The following CHD9 variants were observed in gnomAD, a reference collection of about 807,000 sequenced individuals.
CHD9 encodes the protein ATP-dependent chromatin remodeler CHD9.
A neutral mutation model predicts 316.1 loss-of-function variants in CHD9; 77 were observed. The observed-to-expected ratio is 0.24, with a 90% CI of 0.20 to 0.29. The LOEUF (loss-of-function observed/expected upper bound fraction) is 0.29. Among genes scored for constraint, CHD9 ranks in the 10% least tolerant of loss-of-function variants. The pLI is 1.00. For synonymous variants in CHD9, 1,129 were observed against 1,158.3 expected (o/e 0.97, Z 0.51); for missense variants, 2,763 against 3,438.1 (o/e 0.80, Z 4.91).
Position 53,304,250 on chromosome 16 carries a change from A to C in CHD9, c.6244A>C (p.Asn2082His), listed in dbSNP as rs1270731885. ...AAAATCTGAGCCTGTAAGTCCAAAG[A>C]ATGGTGTTTTACCACAGGCTACTGG... ...LIKSEPVSPK[N>H]GVLPQATGDQ... Residue 2082 changes from asparagine to histidine, a missense_variant, in exon 31 of 39, where the codon AAT becomes CAT. Transcript: ENST00000447540. The C allele has an allele frequency of 1.2e-6, 2 of 1,611,382 alleles. No homozygotes were observed. Among genetic ancestry groups the C allele is most frequent in the South Asian group, 2.2e-5 (2 of 90,774 alleles).
In CHD9 at chr16:53,081,766, T is replaced by A. The variant is rs76624155; in HGVS notation, c.-165+26689T>A. 1.1e-3 allele frequency among the ~76,000 whole-genome samples: 68 copies of A among 63,750 alleles called. No homozygotes were observed. The Middle Eastern group carries it at 0.026, about 25-fold the overall frequency. 41.8% of individuals were successfully genotyped at this position (63,750 alleles called of 152,430 possible). ...CCATGCTTGGCTAATTAAAAAAAAA[T>A]TTTTTTTTGTAGAGATGGTGTTTCA... On this transcript the variant is annotated intron_variant, in intron 1 of 38. Coordinates refer to ENST00000447540, the MANE Select transcript of CHD9 (RefSeq NM_001308319.2).
At chr16:53,273,269 G>A (rs1349031488) in intron 22 of CHD9, among the ~76,000 whole-genome samples, 1 of 152,094 alleles carries the variant, frequency 6.6e-6, no homozygotes, top group Non-Finnish European at 1.5e-5. Context: ...ATTTTGAAAA[G>A]CAAGAGTAGA....
intron 2 of CHD9, among the ~76,000 whole-genome samples, chr16:53,160,211 G>C (rs2041815300): frequency 6.6e-6 from 1 of 152,128 alleles, no homozygotes; most frequent in Non-Finnish European, 1.5e-5. Flanking sequence ...AGAGCTTATT[G>C]ATTTATTTTT....
At chr16:53,204,651 A>G (rs1326762228) in intron 2 of CHD9, among the ~76,000 whole-genome samples, 1 of 152,076 alleles carries the variant, frequency 6.6e-6, no homozygotes, top group Non-Finnish European at 1.5e-5. Flanking sequence ...ACAAACACTT[A>G]TACTATAAAT....
Position 53,304,307 on chromosome 16 carries a change from G to A in CHD9, c.6301G>A (p.Asp2101Asn). 6.2e-7 allele frequency: 1 copy of A among 1,612,046 alleles called. No homozygotes were observed. Residue 2101 changes from aspartate to asparagine, a missense_variant, in exon 31 of 39, where the codon GAC becomes AAC. Transcript: ENST00000447540. ...GAAATCTGGTGGAAAATGTGAAACAGACAGACGCATGGTTGCAGCCAGAAC... is the reference window on the plus strand; with the variant it reads ...GAAATCTGGTGGAAAATGTGAAACAAACAGACGCATGGTTGCAGCCAGAAC... ...DQKSGGKCET[D>N]RRMVAARTEP...
intron 1 of CHD9, among the ~76,000 whole-genome samples, chr16:53,059,080 T>C (rs1596832743): frequency 6.6e-6 from 1 of 152,260 alleles, no homozygotes; most frequent in East Asian, 1.9e-4. Context: ...GACTCAAGTG[T>C]TTCTCCTGCC....
chr16:53,260,912 A>G (rs899233076), intron 19 of CHD9, among the ~76,000 whole-genome samples: 4 of 152,182 alleles, frequency 2.6e-5, no homozygotes, highest in Non-Finnish European at 5.9e-5. Flanking sequence ...CTCTATTTCA[A>G]GGTCCTTAAC....
At chr16:53,218,594 T>C (rs2046968186) in intron 3 of CHD9, among the ~76,000 whole-genome samples, 1 of 152,194 alleles carries the variant, frequency 6.6e-6, no homozygotes, top group Non-Finnish European at 1.5e-5. Context: ...TTCATAGTCA[T>C]TTGTAAATTT....
intron 15 of CHD9, among the ~76,000 whole-genome samples, 182 bp downstream of exon 15, chr16:53,246,032 C>G (rs2049556479): frequency 6.6e-6 from 1 of 152,190 alleles, no homozygotes; most frequent in Non-Finnish European, 1.5e-5. Context: ...CTGATGTTAA[C>G]ACACCAGGTT....
At chr16:53,228,537 G>GTTTTTTTTTTTTTTTTTTTTTTTT (rs758037912) in intron 7 of CHD9, among the ~76,000 whole-genome samples, 1 of 105,062 alleles carries the variant, frequency 9.5e-6, no homozygotes, top group Non-Finnish European at 1.9e-5. Flanking sequence ...CCATGAAAGT[G>GTTTTTTTTTTTTTTTTTTTTTTTT]TTTTTTTTTT....
chr16:53,267,780 A>G (rs2051839513), intron 21 of CHD9, 147 bp from the exon 22 acceptor site: 2 of 654,540 alleles, frequency 3.1e-6, no homozygotes, highest in Non-Finnish European at 5.2e-6. Flanking sequence ...TTACTATACC[A>G]TTCCTCTACA....
At chr16:53,273,848 T>C (rs1361923413) in intron 23 of CHD9, 63 bp downstream of exon 23, 2 of 1,424,544 alleles carry the variant, frequency 1.4e-6, no homozygotes, top group Admixed American at 4.3e-5. Context: ...TTATTAATAC[T>C]CTTTAAGCTT....
chr16:53,243,417 G>A (rs552634223), intron 13 of CHD9, among the ~76,000 whole-genome samples: 10 of 152,252 alleles, frequency 6.6e-5, no homozygotes, highest in Non-Finnish European at 1.2e-4. Flanking sequence ...AGGTTCAAGC[G>A]ATTCTCCTGC....
Position 53,074,204 on chromosome 16 carries a change from T to C in CHD9, c.-165+19127T>C, listed in dbSNP as rs994641468. ...CCTAGAGATTTGTGGAACTTTGAAATTGAGAGAGATGATTTAGGGTATCTG... is the reference window on the plus strand; with the variant it reads ...CCTAGAGATTTGTGGAACTTTGAAACTGAGAGAGATGATTTAGGGTATCTG... On this transcript the variant is annotated intron_variant, in intron 1 of 38. Transcript: ENST00000447540. 3.3e-5 allele frequency among the ~76,000 whole-genome samples: 5 copies of C among 152,120 alleles called. No homozygotes were observed. In the East Asian group the frequency reaches 9.6e-4, roughly 29 times the overall value.
rs1052023913 is a variant in CHD9, at chr16:53,092,118, C to A, written c.-165+37041C>A. 2.6e-5 allele frequency among the ~76,000 whole-genome samples: 4 copies of A among 152,190 alleles called. No individual in the cohort carries two copies. In the East Asian group the frequency reaches 5.8e-4, roughly 22 times the overall value. On this transcript the variant is annotated intron_variant, in intron 1 of 38. Transcript: ENST00000447540. ...CAACTGCAAAGGCAAATACTTCCCC[C>A]CCAGCTGTGGATCAGGCTCATTGGC...
In CHD9 at chr16:53,157,450, C is replaced by G. The variant is rs759670526; in HGVS notation, c.1361C>G (p.Thr454Ser). 6.2e-7 allele frequency: 1 copy of G among 1,613,996 alleles called. No individual in the cohort carries two copies. The highest frequency in any genetic ancestry group is 1.1e-5 in the South Asian group (1 of 91,090). Residue 454 changes from threonine to serine, a missense_variant, in exon 2 of 39, where the codon ACT becomes AGT. Thr to Ser is a moderately conservative substitution (Grantham distance 58, BLOSUM62 1). This residue lies in a region of CHD9 where 859 missense variants were observed against 890.4 expected (regional missense o/e 0.96). Transcript: ENST00000447540. ...ACACGGCCTTCTGATATGGCTCAGA[C>G]TCAGTTGCAAAGTCAGGCTCGGAGT... ...LVTRPSDMAQ[T>S]QLQSQARSWH...
chr16:53,105,059 T>A (rs1222164446), intron 1 of CHD9, among the ~76,000 whole-genome samples: 1 of 151,892 alleles, frequency 6.6e-6, no homozygotes, highest in Non-Finnish European at 1.5e-5. Flanking sequence ...CCCAGCCTGG[T>A]CTTGAACTAT....
intron 19 of CHD9, among the ~76,000 whole-genome samples, chr16:53,260,922 C>T (rs1310635138): frequency 1.3e-5 from 2 of 152,158 alleles, no homozygotes; most frequent in African/African-American, 4.8e-5. Context: ...AGGTCCTTAA[C>T]TTAATCATAT....
chr16:53,301,552 G>T (rs1332374830), intron 30 of CHD9, among the ~76,000 whole-genome samples: 1 of 152,096 alleles, frequency 6.6e-6, no homozygotes, highest in Non-Finnish European at 1.5e-5. Flanking sequence ...TTAATCAAAT[G>T]TGTGCACTGG....
Sources: gnomAD v4.1 joint callset for allele counts (sites outside exome capture counted in the v4.1 genomes callset) on GRCh38, gnomAD v4.1.1 for gene constraint, gnomAD v4.1.1 regional missense constraint, MANE v1.5 for transcripts, NCBI Gene and HGNC (gene_info 2026-07-23, HGNC 2026-07-21) for gene names.